ARHGAP22: variants seen among roughly 807,000 people sequenced by gnomAD.
ARHGAP22 encodes the protein Rho GTPase activating protein 22.
In ARHGAP22, 48 loss-of-function variants were observed where a neutral mutation model predicts 59.1. The ratio of observed to expected loss-of-function variants is 0.81; its 90% CI spans 0.64 to 1.03. The LOEUF is 1.03. Ranked by LOEUF, ARHGAP22 falls within the 50% of genes least tolerant of loss-of-function variation. The probability of loss-of-function intolerance (pLI) is 0.00; values close to 1 mark genes in which losing one functional copy is unlikely to be tolerated. For synonymous variants in ARHGAP22, 445 were observed against 416.4 expected, an observed-to-expected ratio of 1.07 and a Z score of -0.84; for missense variants, 1,015 against 958.7, an observed-to-expected ratio of 1.06 and a Z score of -0.78.
chr10:48,501,433 G>A (rs1020412393), intron 3 of ARHGAP22, among the ~76,000 whole-genome samples: 6 of 152,262 alleles, frequency 3.9e-5, no homozygotes, highest in Admixed American at 6.5e-5. Context: ...CTCCCCATGG[G>A]AGGTGCTCTT....
intron 4 of ARHGAP22, among the ~76,000 whole-genome samples, chr10:48,465,948 T>C (rs2047619594): frequency 6.6e-6 from 1 of 152,138 alleles, no homozygotes; most frequent in Non-Finnish European, 1.5e-5. Context: ...ACTTCCAGGC[T>C]CTGCGCTAAG....
At chr10:48,516,441 T>C (rs2134638461) in intron 3 of ARHGAP22, among the ~76,000 whole-genome samples, 1 of 152,244 alleles carries the variant, frequency 6.6e-6, no homozygotes, top group Non-Finnish European at 1.5e-5. Context: ...GGTAGGAGGA[T>C]TGCTGGAGCC....
At chr10:48,562,913 A>C (rs935842271) in intron 2 of ARHGAP22, among the ~76,000 whole-genome samples, 1 of 152,210 alleles carries the variant, frequency 6.6e-6, no homozygotes, top group African/African-American at 2.4e-5. Flanking sequence ...AACAACAAAA[A>C]TTTATTTTCT....
intron 1 of ARHGAP22, among the ~76,000 whole-genome samples, chr10:48,614,153 C>A (rs1021538267): frequency 6.6e-6 from 1 of 152,148 alleles, no homozygotes; most frequent in African/African-American, 2.4e-5. Flanking sequence ...AAATAGGGAG[C>A]TAATCAAATA....
Position 48,450,962 on chromosome 10 carries a change from G to T in ARHGAP22, c.1167C>A (p.Pro389=). 1.3e-6 allele frequency: 2 copies of T among 1,571,648 alleles called. No individual in the cohort carries two copies. Among genetic ancestry groups the T allele is most frequent in the East Asian group, 2.4e-5 (1 of 42,132 alleles). ...CGTCCAGGGAAGAGGTCCTGTGCGC[G>T]GGCAGGCCGGGGCCGCCGGGCTCTC... The part of the protein sequence containing the change: ...SQGEPGGPGL[P]AHRTSSLDGA... Residue 389 remains proline, a synonymous_variant, in exon 9 of 10, where the codon CCC becomes CCA. Transcript: ENST00000249601.
chr10:48,641,805 G>T (rs2062058298), intron 1 of ARHGAP22, among the ~76,000 whole-genome samples: 1 of 152,200 alleles, frequency 6.6e-6, no homozygotes, highest in Non-Finnish European at 1.5e-5. Context: ...AAGTCAAATT[G>T]TCCCTGTTTG....
intron 1 of ARHGAP22, among the ~76,000 whole-genome samples, chr10:48,651,781 T>C (rs555093511): frequency 6.6e-6 from 1 of 152,296 alleles, no homozygotes; most frequent in South Asian, 2.1e-4. Flanking sequence ...TTTGGTCTAA[T>C]AGTTACCTCC....
chr10:48,461,265 G>A (rs956151468), intron 4 of ARHGAP22, among the ~76,000 whole-genome samples: 6 of 152,140 alleles, frequency 3.9e-5, no homozygotes, highest in African/African-American at 1.4e-4. Context: ...CAGGTCAAAC[G>A]CATCTGTGCT....
chr10:48,583,821 C>T (rs1312076020), intron 1 of ARHGAP22, among the ~76,000 whole-genome samples: 3 of 152,290 alleles, frequency 2.0e-5, no homozygotes, highest in East Asian at 3.9e-4. Flanking sequence ...TTTGCTGTGC[C>T]TTGTTGGTGG....
At chr10:48,491,210 G>A (rs1422880428) in intron 3 of ARHGAP22, among the ~76,000 whole-genome samples, 3 of 152,144 alleles carry the variant, frequency 2.0e-5, no homozygotes, top group Non-Finnish European at 4.4e-5. Flanking sequence ...CTCCTGCGAC[G>A]TCATCTCTGG....
chr10:48,455,243 T>C, intron 5 of ARHGAP22, 109 bp from the exon 6 acceptor site: 2 of 1,298,420 alleles, frequency 1.5e-6, no homozygotes, highest in Middle Eastern at 2.9e-4. Context: ...AGGTGCATTC[T>C]TGGGCGCACT....
the ARHGAP22 span, among the ~76,000 whole-genome samples, chr10:48,440,610 C>T: frequency 2.6e-5 from 4 of 152,084 alleles, no homozygotes; most frequent in African/African-American, 9.7e-5. Context: ...AACGGCCTGG[C>T]ATGGGTGTAG....
chr10:48,619,449 A>G (rs2031640122), intron 1 of ARHGAP22, among the ~76,000 whole-genome samples: 1 of 152,194 alleles, frequency 6.6e-6, no homozygotes, highest in Non-Finnish European at 1.5e-5. Flanking sequence ...AATAAACTCA[A>G]AGTGTTGGAA....
chr10:48,602,547 A>G (rs537877360), intron 1 of ARHGAP22, among the ~76,000 whole-genome samples: 1 of 152,334 alleles, frequency 6.6e-6, no homozygotes, highest in Non-Finnish European at 1.5e-5. Context: ...GATGAGGCCA[A>G]ATTTCCTAAG....
At chr10:48,468,189 T>C (rs1156553145) in intron 4 of ARHGAP22, among the ~76,000 whole-genome samples, 2 of 152,224 alleles carry the variant, frequency 1.3e-5, no homozygotes, top group African/African-American at 4.8e-5. Context: ...ATTTCACATG[T>C]TTGCATTTGA....
At chr10:48,503,902 C>T (rs1022780426) in intron 3 of ARHGAP22, among the ~76,000 whole-genome samples, 3 of 152,232 alleles carry the variant, frequency 2.0e-5, no homozygotes, top group Non-Finnish European at 2.9e-5. Context: ...ATATGAACCC[C>T]GGCTGGCCTG....
intron 3 of ARHGAP22, among the ~76,000 whole-genome samples, chr10:48,518,227 G>T (rs66695288): frequency 6.6e-6 from 1 of 151,970 alleles, no homozygotes; most frequent in African/African-American, 2.4e-5. Flanking sequence ...CCAGGCCTCA[G>T]ATCTGTCCAC....
At chr10:48,627,541 C>T (rs537758953) in intron 1 of ARHGAP22, among the ~76,000 whole-genome samples, 1 of 152,354 alleles carries the variant, frequency 6.6e-6, no homozygotes, top group Non-Finnish European at 1.5e-5. Flanking sequence ...GGGCCTGTCC[C>T]ATTCCCATCT....
At chr10:48,548,596 A>G (rs940308000) in intron 3 of ARHGAP22, among the ~76,000 whole-genome samples, 2 of 152,124 alleles carry the variant, frequency 1.3e-5, no homozygotes, top group African/African-American at 4.8e-5. Flanking sequence ...CTTTTTGCCC[A>G]GAGTGCCAAA....
Sources: gnomAD v4.1 joint callset for allele counts (sites outside exome capture counted in the v4.1 genomes callset) on GRCh38, gnomAD v4.1.1 for gene constraint, MANE v1.5 for transcripts, NCBI Gene and HGNC (gene_info 2026-07-23, HGNC 2026-07-21) for gene names.